RBMS3: variants seen among roughly 807,000 people sequenced by gnomAD.
RBMS3 encodes RNA-binding motif, single-stranded-interacting protein 3.
In RBMS3, 27 loss-of-function variants were observed where a neutral mutation model predicts 66.8. The ratio of observed to expected loss-of-function variants is 0.40; its 90% confidence interval spans 0.30 to 0.56. The LOEUF is 0.56. Among genes scored for constraint, RBMS3 ranks in the 20% least tolerant of loss-of-function variants. The pLI is 0.40. For missense variants in RBMS3, 513 were observed against 549.5 expected, an observed-to-expected ratio of 0.93 and a Z score of 0.66; for synonymous variants, 188 against 183.0, an observed-to-expected ratio of 1.03 and a Z score of -0.22.
chr3:29,921,458 C>A (rs2060776802), intron 10 of RBMS3, among the ~76,000 whole-genome samples: 2 of 124,478 alleles, frequency 1.6e-5, no homozygotes, highest in East Asian at 4.9e-4. Context: ...CATTGCCATA[C>A]AAATTCTAAA....
intron 1 of RBMS3, among the ~76,000 whole-genome samples, chr3:29,414,477 C>T (rs116292930): frequency 6.6e-6 from 1 of 152,162 alleles, no homozygotes; most frequent in African/African-American, 2.4e-5. Flanking sequence ...CTCAGAAATG[C>T]TTTTTCGTGA....
chr3:29,592,557 G>T (rs1206279358), intron 4 of RBMS3, among the ~76,000 whole-genome samples: 3 of 152,168 alleles, frequency 2.0e-5, no homozygotes, highest in Non-Finnish European at 4.4e-5. Flanking sequence ...TACACTGTTG[G>T]TGAGACTGTA....
At chr3:29,472,022 A>T (rs1559388445) in intron 2 of RBMS3, among the ~76,000 whole-genome samples, 1 of 152,114 alleles carries the variant, frequency 6.6e-6, no homozygotes, top group Non-Finnish European at 1.5e-5. Context: ...TCTGCCATCA[A>T]TGCTACTACT....
intron 3 of RBMS3, among the ~76,000 whole-genome samples, chr3:29,571,708 G>T (rs1445251935): frequency 6.6e-6 from 1 of 152,094 alleles, no homozygotes; most frequent in Non-Finnish European, 1.5e-5. Context: ...CAGGTAATGT[G>T]ATTTCTTCAG....
intron 6 of RBMS3, among the ~76,000 whole-genome samples, chr3:29,787,076 A>C (rs2056845731): frequency 6.6e-6 from 1 of 152,226 alleles, no homozygotes; most frequent in Non-Finnish European, 1.5e-5. Context: ...AGCAAATGGA[A>C]AAATGCTCAA....
At chr3:29,774,230 G>T (rs1338998924) in intron 6 of RBMS3, among the ~76,000 whole-genome samples, 1 of 151,948 alleles carries the variant, frequency 6.6e-6, no homozygotes, top group African/African-American at 2.4e-5. Context: ...ACTGGAAATA[G>T]ACATACTAGA....
intron 1 of RBMS3, among the ~76,000 whole-genome samples, chr3:29,376,859 C>T (rs1470958919): frequency 6.6e-6 from 1 of 151,916 alleles, no homozygotes. Flanking sequence ...GAGCCGAGAT[C>T]GTGCCACTGC....
intron 12 of RBMS3, among the ~76,000 whole-genome samples, chr3:29,948,788 G>A (rs1208975380): frequency 6.6e-6 from 1 of 151,832 alleles, no homozygotes; most frequent in Non-Finnish European, 1.5e-5. Flanking sequence ...AGTTCTTAGA[G>A]ACTTTGCTTT....
chr3:29,803,097 C>G (rs1448897677), intron 6 of RBMS3, among the ~76,000 whole-genome samples: 1 of 152,090 alleles, frequency 6.6e-6, no homozygotes, highest in African/African-American at 2.4e-5. Context: ...AGAGTAATGT[C>G]CTTCTTGGGC....
intron 3 of RBMS3, among the ~76,000 whole-genome samples, chr3:29,567,368 G>T (rs943488758): frequency 1.3e-5 from 2 of 152,092 alleles, no homozygotes; most frequent in African/African-American, 4.8e-5. Context: ...TGTAAAAATT[G>T]GTGGTAGAAA....
At chr3:29,340,478 A>G (rs1269863031) in intron 1 of RBMS3, among the ~76,000 whole-genome samples, 1 of 152,156 alleles carries the variant, frequency 6.6e-6, no homozygotes, top group Non-Finnish European at 1.5e-5. Flanking sequence ...GACTTTGAAT[A>G]CCCTCTCTAG....
At chr3:29,983,165 CCTT>C (rs1218707421) in intron 12 of RBMS3, among the ~76,000 whole-genome samples, 8 of 151,656 alleles carry the variant, frequency 5.3e-5, no homozygotes, top group South Asian at 2.1e-4. Context: ...TATGTAATGC[CCTT>C]CTTTGTCTTT....
At chr3:29,737,510 A>T (rs779408938) in intron 4 of RBMS3, among the ~76,000 whole-genome samples, 1 of 152,160 alleles carries the variant, frequency 6.6e-6, no homozygotes, top group Non-Finnish European at 1.5e-5. Context: ...GTCCTTGGGC[A>T]AGATTGAATC....
At chr3:29,873,290 T>C (rs768578042) in intron 7 of RBMS3, among the ~76,000 whole-genome samples, 1 of 152,180 alleles carries the variant, frequency 6.6e-6, no homozygotes, top group Non-Finnish European at 1.5e-5. Context: ...ATTCTCATCA[T>C]AGAGACCTTT....
At chr3:29,706,627 A>T (rs1313484952) in intron 4 of RBMS3, among the ~76,000 whole-genome samples, 1 of 152,224 alleles carries the variant, frequency 6.6e-6, no homozygotes, top group African/African-American at 2.4e-5. Context: ...CTCTTCAGGG[A>T]GAACAACGAA....
chr3:29,399,894 A>G (rs2039731221), intron 1 of RBMS3, among the ~76,000 whole-genome samples: 1 of 152,128 alleles, frequency 6.6e-6, no homozygotes, highest in African/African-American at 2.4e-5. Flanking sequence ...GAATTATAGA[A>G]AACTACATTT....
chr3:29,470,903 C>G (rs1040931536), intron 2 of RBMS3, among the ~76,000 whole-genome samples: 1 of 152,018 alleles, frequency 6.6e-6, no homozygotes, highest in South Asian at 2.1e-4. Flanking sequence ...AAATTATAAA[C>G]CACCCAGTGA....
chr3:29,944,161 C>A (rs767184004), intron 11 of RBMS3, 46 bp from the exon 12 acceptor site: 18 of 1,513,278 alleles, frequency 1.2e-5, no homozygotes, highest in African/African-American at 1.1e-4. Context: ...ATTTTATTTT[C>A]TTTTGTACTT....
chr3:29,999,367 G>T (rs1163651158), intron 14 of RBMS3, among the ~76,000 whole-genome samples: 1 of 152,142 alleles, frequency 6.6e-6, no homozygotes, highest in Non-Finnish European at 1.5e-5. Context: ...ATTCCTCAGG[G>T]ATCTAGAACT....
Sources: gnomAD v4.1 joint callset for allele counts (sites outside exome capture counted in the v4.1 genomes callset) on GRCh38, gnomAD v4.1.1 for gene constraint, MANE v1.5 for transcripts, NCBI Gene and HGNC (gene_info 2026-07-23, HGNC 2026-07-21) for gene names.